The following PCP4 variants were observed in gnomAD, a reference collection of about 807,000 sequenced individuals.
PCP4 encodes the protein calmodulin regulator protein PCP4.
In PCP4, 8 loss-of-function variants were observed where a neutral mutation model predicts 10.0. The observed-to-expected ratio is 0.80, with a 90% CI of 0.47 to 1.45. PCP4 has a LOEUF of 1.45. Ranked by LOEUF, PCP4 falls within the 40% of genes most tolerant of loss-of-function variation. The probability of loss-of-function intolerance (pLI) is 0.00; values close to 1 mark genes in which losing one functional copy is unlikely to be tolerated. For missense variants in PCP4, 54 were observed against 74.4 expected (o/e 0.73, Z 1.01); for synonymous variants, 21 against 23.0 (o/e 0.91, Z 0.24).
At chr21:39,892,305 A>G (rs1223636747) in intron 1 of PCP4, among the ~76,000 whole-genome samples, 1 of 152,248 alleles carries the variant, frequency 6.6e-6, no homozygotes, top group Admixed American at 6.5e-5. Context: ...AATGTTTATA[A>G]TAATGATTGA....
In PCP4 at chr21:39,867,547, A is replaced by G. The variant is rs79040943; in HGVS notation, c.9+37A>G. 350 of 1,607,696 alleles carry G rather than the reference A, an allele frequency of 2.2e-4. 2 individuals carry two copies. The East Asian group carries it at 7.7e-3, about 35-fold the overall frequency. On this transcript the variant is annotated intron_variant, in intron 1 of 2. Coordinates refer to ENST00000328619, the MANE Select transcript of PCP4 (RefSeq NM_006198.3). ...TTCGACCTGGAGAGGGAAACTTAGGAGTGAGAAGGGACCTCGGCTGAAGGA... is the reference window on the plus strand; with the variant it reads ...TTCGACCTGGAGAGGGAAACTTAGGGGTGAGAAGGGACCTCGGCTGAAGGA...
At chr21:39,901,062 T>A (rs968087075) in intron 2 of PCP4, among the ~76,000 whole-genome samples, 4 of 152,326 alleles carry the variant, frequency 2.6e-5, no homozygotes, top group Admixed American at 6.5e-5. Context: ...TCTGCAACTC[T>A]CTTTAAAGTC....
intron 1 of PCP4, among the ~76,000 whole-genome samples, chr21:39,884,800 AAG>A (rs3988433): frequency 0.029 from 4,256 of 148,722 alleles, 194 homozygotes; most frequent in African/African-American, 0.096. Flanking sequence ...CCGTCTTAAA[AAG>A]AGAGAGAGAG....
At chr21:39,907,449 C>T (rs1411932606) in intron 2 of PCP4, among the ~76,000 whole-genome samples, 1 of 152,144 alleles carries the variant, frequency 6.6e-6, no homozygotes, top group Non-Finnish European at 1.5e-5. Flanking sequence ...CAGACAGGGG[C>T]TTTGGCCTGT....
intron 1 of PCP4, among the ~76,000 whole-genome samples, chr21:39,897,622 A>G (rs1004412452): frequency 1.3e-5 from 2 of 152,188 alleles, no homozygotes; most frequent in African/African-American, 4.8e-5. Context: ...GTCTAACCTT[A>G]AAAGACTTCA....
At chr21:39,902,253 T>G (rs1308306781) in intron 2 of PCP4, among the ~76,000 whole-genome samples, 2 of 152,216 alleles carry the variant, frequency 1.3e-5, no homozygotes, top group Non-Finnish European at 2.9e-5. Context: ...AGGAACATTC[T>G]CAATTGTATT....
intron 1 of PCP4, among the ~76,000 whole-genome samples, chr21:39,876,078 A>C (rs1340582530): frequency 6.6e-6 from 1 of 150,810 alleles, no homozygotes; most frequent in Non-Finnish European, 1.5e-5. Context: ...TTTTTCAATT[A>C]AATCTGAATA....
intron 2 of PCP4, among the ~76,000 whole-genome samples, chr21:39,909,178 G>C (rs960566077): frequency 6.6e-6 from 1 of 152,144 alleles, no homozygotes; most frequent in Admixed American, 6.5e-5. Context: ...ACTATTTCCA[G>C]CATTAATTCG....
intron 2 of PCP4, among the ~76,000 whole-genome samples, chr21:39,907,997 G>C (rs755018809): frequency 6.6e-6 from 1 of 152,216 alleles, no homozygotes; most frequent in Non-Finnish European, 1.5e-5. Context: ...AGGTCACCCT[G>C]TTCCCCTGTT....
intron 2 of PCP4, among the ~76,000 whole-genome samples, chr21:39,905,594 G>C (rs1400710848): frequency 1.3e-5 from 2 of 152,170 alleles, no homozygotes; most frequent in African/African-American, 4.8e-5. Flanking sequence ...TTGCCCTTCA[G>C]AGTGAGCATT....
chr21:39,924,790 C>G lies in PCP4; in HGVS notation c.62-4194C>G, dbSNP rs189037161. ...GCTGGTCTCAGACTCTCACCTCAGT[C>G]TCTGAATGTGCTGAGATTACCGGCA... is the stretch of plus-strand genomic sequence containing the variant. On this transcript the variant is annotated intron_variant, in intron 2 of 2. Coordinates refer to ENST00000328619, the MANE Select transcript of PCP4 (RefSeq NM_006198.3). 2.0e-5 allele frequency among the ~76,000 whole-genome samples: 3 copies of G among 152,350 alleles called. No individual in the cohort carries two copies. In the East Asian group the frequency reaches 5.8e-4, roughly 29 times the overall value.
intron 1 of PCP4, among the ~76,000 whole-genome samples, chr21:39,885,123 A>G (rs972886264): frequency 2.6e-5 from 4 of 152,232 alleles, no homozygotes; most frequent in Non-Finnish European, 5.9e-5. Context: ...AAATTATGCC[A>G]GGATCTCTGA....
chr21:39,919,976 G>T (rs1310147226), intron 2 of PCP4, among the ~76,000 whole-genome samples: 1 of 150,132 alleles, frequency 6.7e-6, no homozygotes, highest in African/African-American at 2.5e-5. Context: ...GTTGGTGTGT[G>T]TGTGGTGTGT....
chr21:39,887,181 T>A (rs2087404302), intron 1 of PCP4, among the ~76,000 whole-genome samples: 2 of 152,184 alleles, frequency 1.3e-5, no homozygotes, highest in Admixed American at 1.3e-4. Context: ...TCTCTTACCA[T>A]AAAGGTCAGG....
chr21:39,888,008 C>A (rs2087409129), intron 1 of PCP4, among the ~76,000 whole-genome samples: 1 of 152,170 alleles, frequency 6.6e-6, no homozygotes, highest in Non-Finnish European at 1.5e-5. Context: ...GTGTTTTTCC[C>A]CTTTTTTATG....
chr21:39,878,335 A>G (rs913856752), intron 1 of PCP4, among the ~76,000 whole-genome samples: 2 of 152,232 alleles, frequency 1.3e-5, no homozygotes, highest in African/African-American at 4.8e-5. Flanking sequence ...GAAGAATAGC[A>G]CTACGATAGC....
rs189557554 is a variant in PCP4, at chr21:39,884,111, G to A, written c.10-14365G>A. On this transcript the variant is annotated intron_variant, in intron 1 of 2. Transcript: ENST00000328619. Reference sequence around the variant, plus strand: ...TTTTTGAGGTTAAGTTTATTAAGGTGTAATTTACATGTGGTAAAATCTACC... The same window carrying A: ...TTTTTGAGGTTAAGTTTATTAAGGTATAATTTACATGTGGTAAAATCTACC... 7.4e-4 allele frequency among the ~76,000 whole-genome samples: 113 copies of A among 152,052 alleles called. 3 individuals carry two copies. Among genetic ancestry groups the A allele is most frequent in the Non-Finnish European group, 1.5e-4 (10 of 67,984 alleles).
chr21:39,916,006 A>G (rs1392854818), intron 2 of PCP4: 1 of 152,176 alleles, frequency 6.6e-6, no homozygotes, highest in African/African-American at 2.4e-5. Context: ...TTGTTGGATG[A>G]CTAATTTGTC....
At chr21:39,913,709 G>A (rs1439190122) in intron 2 of PCP4, among the ~76,000 whole-genome samples, 6 of 152,296 alleles carry the variant, frequency 3.9e-5, no homozygotes, top group East Asian at 3.9e-4. Context: ...GCTCAGCTGC[G>A]TGGTTGGACC....
Sources: gnomAD v4.1 joint callset for allele counts (sites outside exome capture counted in the v4.1 genomes callset) on GRCh38, gnomAD v4.1.1 for gene constraint, MANE v1.5 for transcripts, NCBI Gene and HGNC (gene_info 2026-07-23, HGNC 2026-07-21) for gene names.